The following FAM171B variants were observed in gnomAD, a reference collection of about 807,000 sequenced individuals.
The protein encoded by FAM171B is protein FAM171B.
FAM171B carries 19 observed loss-of-function variants against 75.6 expected under a neutral mutation model. That is an observed-to-expected ratio of 0.25 (90% CI 0.18 to 0.37). FAM171B has a LOEUF of 0.37. Ranked by LOEUF, FAM171B falls within the 10% of genes least tolerant of loss-of-function variation. FAM171B has a pLI of 1.00. For missense variants in FAM171B, 848 were observed against 982.4 expected (o/e 0.86, Z 1.83); for synonymous variants, 367 against 361.7 (o/e 1.01, Z -0.17).
Position 186,751,277 on chromosome 2 carries a change from C to T in FAM171B, c.868C>T (p.Pro290Ser). ...LNDISAGDRI[P>S]AWTFDMNTGA... The stretch of plus-strand genomic sequence containing the variant: ...TGATATAAGTGCAGGGGATCGCATA[C>T]CTGCTTGGACATTTGATATGAACAC... The change falls in exon 5 of 8, where the codon CCT becomes TCT. Residue 290 changes from proline to serine, a missense_variant. Around this residue, in one of 3 missense-constraint regions of FAM171B, gnomAD observed 665 missense variants for 729.0 expected, o/e 0.91. Coordinates refer to ENST00000304698, the MANE Select transcript of FAM171B (RefSeq NM_177454.4). The T allele has an allele frequency of 6.3e-7, 1 of 1,597,280 alleles. No homozygotes were observed. The highest frequency in any genetic ancestry group is 8.6e-7 in the Non-Finnish European group (1 of 1,169,552).
At chr2:186,749,982 T>A (rs559219596) in intron 4 of FAM171B, among the ~76,000 whole-genome samples, 21 of 152,292 alleles carry the variant, frequency 1.4e-4, no homozygotes, top group Non-Finnish European at 1.3e-4. Context: ...GGAATTATTA[T>A]GAAAAAATAT....
At position 186,747,956 on chromosome 2, in the gene FAM171B, T is replaced by C. The variant is rs1574110853; in HGVS notation, c.724+706T>C. On this transcript the variant is annotated intron_variant, in intron 4 of 7. Coordinates refer to ENST00000304698, the MANE Select transcript of FAM171B (RefSeq NM_177454.4). ...TTTTTCTTTTGAGACAGGGTCTTGC[T>C]CTGTTTCCCAAGCTGGAGTGCAGTG... Among the ~76,000 whole-genome samples the C allele has an allele frequency of 2.0e-5, 3 of 152,172 alleles. No homozygotes were observed. In the South Asian group the frequency reaches 6.2e-4, roughly 32 times the overall value.
chr2:186,708,118 T>C (rs1490665155), intron 1 of FAM171B, among the ~76,000 whole-genome samples: 4 of 152,202 alleles, frequency 2.6e-5, no homozygotes, highest in Non-Finnish European at 5.9e-5. Flanking sequence ...TTGAATATGT[T>C]CTTTCATTCA....
chr2:186,697,035 G>A (rs373499627), intron 1 of FAM171B, among the ~76,000 whole-genome samples: 8 of 145,514 alleles, frequency 5.5e-5, no homozygotes, highest in Non-Finnish European at 1.1e-4. Context: ...TGGATGGATG[G>A]ATGGATGAAT....
At chr2:186,761,434 T>C (rs1393727174) in intron 7 of FAM171B, 45 bp from the exon 8 acceptor site, 1 of 1,521,934 alleles carries the variant, frequency 6.6e-7, no homozygotes, top group South Asian at 1.4e-5. Flanking sequence ...ATGAACCATT[T>C]GTGTCATAAC....
At chr2:186,759,594 G>A (rs1411644815) in intron 6 of FAM171B, among the ~76,000 whole-genome samples, 4 of 152,110 alleles carry the variant, frequency 2.6e-5, no homozygotes, top group African/African-American at 9.7e-5. Context: ...GATCAAATAT[G>A]TTGAGCCTCT....
In FAM171B at chr2:186,754,015, G is replaced by T; in HGVS notation, c.978G>T (p.Gly326=). The change falls in exon 6 of 8, where the codon GGG becomes GGT. Residue 326 remains glycine (G), a synonymous_variant. Coordinates refer to ENST00000304698, the MANE Select transcript of FAM171B (RefSeq NM_177454.4). ...LIWTYDAPHL[G]YWIAAPLPGT... ...GGACATATGATGCACCACATTTGGG[G>T]TACTGGATAGCAGCTCCACTTCCAG... 6.2e-7 allele frequency: 1 copy of T among 1,608,884 alleles called. No homozygotes were observed. Among genetic ancestry groups the T allele is most frequent in the Non-Finnish European group, 8.5e-7 (1 of 1,178,380 alleles).
chr2:186,747,321 C>A, intron 4 of FAM171B, 71 bp downstream of exon 4: 2 of 1,088,580 alleles, frequency 1.8e-6, no homozygotes, highest in Non-Finnish European at 2.5e-6. Context: ...AAATATTTAG[C>A]TATCTATAAT....
chr2:186,736,011 A>G (rs78923755), intron 1 of FAM171B, among the ~76,000 whole-genome samples: 3,633 of 152,318 alleles, frequency 0.024, 66 homozygotes, highest in Middle Eastern at 0.058. Context: ...AGATGTGTGG[A>G]TAAACTTTAC....
At chr2:186,754,617 A>G (rs1690505124) in intron 6 of FAM171B, among the ~76,000 whole-genome samples, 1 of 152,022 alleles carries the variant, frequency 6.6e-6, no homozygotes, top group African/African-American at 2.4e-5. Flanking sequence ...CTATTGGCCC[A>G]CTTTTGGGTC....
chr2:186,743,627 C>T, intron 3 of FAM171B, 52 bp downstream of exon 3: 2 of 1,204,190 alleles, frequency 1.7e-6, no homozygotes, highest in East Asian at 2.3e-5. Context: ...TGTCGTATAA[C>T]TGTACTTCTT....
intron 2 of FAM171B, 28 bp from the exon 3 acceptor site, chr2:186,743,455 A>G: frequency 6.6e-7 from 1 of 1,513,102 alleles, no homozygotes; most frequent in Non-Finnish European, 9.1e-7. Context: ...CATTAAGTAA[A>G]ATATTCTAAT....
intron 1 of FAM171B, among the ~76,000 whole-genome samples, chr2:186,707,308 A>C (rs1403287038): frequency 6.6e-6 from 1 of 152,172 alleles, no homozygotes; most frequent in Non-Finnish European, 1.5e-5. Context: ...ACTCCTCTTC[A>C]TCTATCAGCA....
chr2:186,759,122 C>T (rs1215419693), intron 6 of FAM171B, among the ~76,000 whole-genome samples: 5 of 152,088 alleles, frequency 3.3e-5, no homozygotes, highest in East Asian at 3.8e-4. Flanking sequence ...TTGCAGATGA[C>T]GGGATCACAT....
chr2:186,697,134 C>T lies in FAM171B; in HGVS notation c.238+2723C>T, dbSNP rs369284869. ...TTAGCAGGGGATTTATAAAGATAAA[C>T]GTTATGTAGGAAAGTTTGTAAGTAG... On this transcript the variant is annotated intron_variant, in intron 1 of 7. Coordinates refer to ENST00000304698, the MANE Select transcript of FAM171B (RefSeq NM_177454.4). 4.6e-5 allele frequency among the ~76,000 whole-genome samples: 7 copies of T among 152,090 alleles called. No individual in the cohort carries two copies. The South Asian group carries it at 1.0e-3, about 23-fold the overall frequency.
intron 1 of FAM171B, among the ~76,000 whole-genome samples, chr2:186,735,328 G>A (rs911850071): frequency 6.6e-6 from 1 of 152,190 alleles, no homozygotes; most frequent in Non-Finnish European, 1.5e-5. Context: ...TTGCTTCTGG[G>A]TGCTGCCACT....
chr2:186,732,184 T>A (rs1444727228), intron 1 of FAM171B, among the ~76,000 whole-genome samples: 4 of 152,172 alleles, frequency 2.6e-5, no homozygotes, highest in Admixed American at 1.3e-4. Context: ...TTTTGTTGTT[T>A]TTTAAACCCA....
chr2:186,743,382 C>T lies in FAM171B; in HGVS notation c.473-101C>T, dbSNP rs761388781. ...TTCCCATCAAGCATTTGTTCCCCCC[C>T]ACAACACACTTTTTGAGACTTGCTG... On this transcript the variant is annotated intron_variant, in intron 2 of 7. Coordinates refer to ENST00000304698, the MANE Select transcript of FAM171B (RefSeq NM_177454.4). The T allele has an allele frequency of 4.7e-5, 34 of 715,866 alleles. No individual in the cohort carries two copies. The South Asian group carries it at 4.8e-4, about 10-fold the overall frequency. The allele number at this position is 715,866 out of a possible 1,614,324, so 44.3% of individuals were successfully genotyped here.
rs537676245 is a variant in FAM171B at position 186,740,590 on chromosome 2, A to G, written c.472+129A>G. 1.5e-5 allele frequency: 11 copies of G among 740,532 alleles called. No homozygotes were observed. The East Asian group carries it at 3.0e-4, about 20-fold the overall frequency. 45.9% of individuals were successfully genotyped at this position (740,532 alleles called of 1,614,324 possible). The stretch of plus-strand genomic sequence containing the variant: ...GCTTAAGTCAACATAAGGAGGTTAC[A>G]AGGGAGTGCTACTTTGAAGAAAACA... On this transcript the variant is annotated intron_variant, in intron 2 of 7. Coordinates refer to ENST00000304698, the MANE Select transcript of FAM171B (RefSeq NM_177454.4).
Sources: gnomAD v4.1 joint callset for allele counts (sites outside exome capture counted in the v4.1 genomes callset) on GRCh38, gnomAD v4.1.1 for gene constraint, gnomAD v4.1.1 regional missense constraint, MANE v1.5 for transcripts, NCBI Gene and HGNC (gene_info 2026-07-23, HGNC 2026-07-21) for gene names.